The following HDAC4 variants were observed in gnomAD, a reference collection of about 807,000 sequenced individuals.
The protein encoded by HDAC4 is histone deacetylase A.
In HDAC4, 16 loss-of-function variants were observed where a neutral mutation model predicts 135.1. The observed-to-expected ratio is 0.12, with a 90% confidence interval of 0.08 to 0.18. The LOEUF (loss-of-function observed/expected upper bound fraction) is 0.18. Among genes scored for constraint, HDAC4 ranks in the 10% least tolerant of loss-of-function variants. HDAC4 has a pLI of 1.00. For synonymous variants in HDAC4, 685 were observed against 653.4 expected (o/e 1.05, Z -0.74); for missense variants, 1,143 against 1,511.8 (o/e 0.76, Z 4.05).
intron 12 of HDAC4, among the ~76,000 whole-genome samples, chr2:239,116,532 C>T (rs1400304140): frequency 6.6e-6 from 1 of 152,262 alleles, no homozygotes; most frequent in Non-Finnish European, 1.5e-5. Context: ...CCCACCTGGC[C>T]TCTCCTGCCT....
rs990634979 is a variant in HDAC4, at chr2:239,306,881, G to A, written c.22+45797C>T. Among the ~76,000 whole-genome samples, 5 of 151,960 alleles carry A rather than the reference G, an allele frequency of 3.3e-5. No individual in the cohort carries two copies. Among genetic ancestry groups the A allele is most frequent in the African/African-American group, 4.8e-5 (2 of 41,386 alleles). ...TCTGGAAGGAGCTGCAGGGATGCAT[G>A]GGGGCGTTCAGGAATGTCCAAGGAG... On this transcript the variant is annotated intron_variant, in intron 2 of 26. Coordinates refer to ENST00000543185, the MANE Select transcript of HDAC4 (RefSeq NM_001378414.1). The surrounding 1 kb of genome is among the most constrained non-coding windows in gnomAD (Gnocchi z 4.5).
intron 24 of HDAC4, among the ~76,000 whole-genome samples, chr2:239,057,003 C>T (rs543516878): frequency 2.6e-5 from 4 of 152,208 alleles, no homozygotes; most frequent in East Asian, 1.9e-4. Flanking sequence ...CTAAATGTGA[C>T]GTGTGATCCT....
intron 2 of HDAC4, among the ~76,000 whole-genome samples, chr2:239,259,839 A>G (rs544234823): frequency 5.3e-5 from 8 of 152,374 alleles, no homozygotes; most frequent in African/African-American, 1.9e-4. Flanking sequence ...CAGTCCCTAG[A>G]TCACAGCCTG....
At position 239,050,579 on chromosome 2, in the gene HDAC4, C is replaced by T. The variant is rs560021678; in HGVS notation, c.*2518G>A. Reference sequence around the variant, plus strand: ...TCTCAAACCACTGTCTCAGAGCTGACCATCAGCAGCCCAGTGACCAAGTGA... The same window carrying T: ...TCTCAAACCACTGTCTCAGAGCTGATCATCAGCAGCCCAGTGACCAAGTGA... On this transcript the variant is annotated 3_prime_UTR_variant, in exon 27 of 27. Transcript: ENST00000543185. 77 of 152,780 alleles carry T rather than the reference C, an allele frequency of 5.0e-4. No homozygotes were observed. Among genetic ancestry groups the T allele is most frequent in the Non-Finnish European group, 7.9e-4 (54 of 68,044 alleles). The allele number at this position is 152,780 out of a possible 1,614,324, so 9.5% of individuals were successfully genotyped here.
chr2:239,347,061 CCTGT>C (rs1317593063), intron 2 of HDAC4, among the ~76,000 whole-genome samples: 3 of 151,246 alleles, frequency 2.0e-5, no homozygotes, highest in Non-Finnish European at 4.4e-5. Flanking sequence ...ACACATACAA[CCTGT>C]CTAAAACACA....
intron 1 of HDAC4, among the ~76,000 whole-genome samples, chr2:239,363,892 G>C (rs924001182): frequency 1.3e-5 from 2 of 152,158 alleles, no homozygotes; most frequent in Admixed American, 1.3e-4. Context: ...CAGACAACCT[G>C]AATGAAAAAT....
At chr2:239,094,353 T>G in intron 17 of HDAC4, 1 of 985,472 alleles carries the variant, frequency 1.0e-6, no homozygotes, top group South Asian at 4.7e-5. Flanking sequence ...GATGGGCAGA[T>G]GCCCAGACTG....
chr2:239,233,655 G>A (rs750721034), intron 3 of HDAC4, among the ~76,000 whole-genome samples: 165 of 152,306 alleles, frequency 1.1e-3, no homozygotes, highest in Non-Finnish European at 7.9e-4. Context: ...AGGACTAAGT[G>A]TATTGAAAAA....
chr2:239,085,635 GA>G (rs1247740613), intron 19 of HDAC4, among the ~76,000 whole-genome samples: 4 of 152,370 alleles, frequency 2.6e-5, no homozygotes, highest in Non-Finnish European at 5.9e-5. Flanking sequence ...CTGGGATGTG[GA>G]GCAAACACGT....
chr2:239,246,236 C>A (rs1025732126), intron 2 of HDAC4, among the ~76,000 whole-genome samples: 1 of 152,018 alleles, frequency 6.6e-6, no homozygotes, highest in Non-Finnish European at 1.5e-5. Flanking sequence ...GAGTGAGCCA[C>A]GGGGGAAAGG....
chr2:239,212,379 A>C (rs1256397908), intron 3 of HDAC4, among the ~76,000 whole-genome samples: 1 of 152,070 alleles, frequency 6.6e-6, no homozygotes, highest in Non-Finnish European at 1.5e-5. Flanking sequence ...CCCATTCTAA[A>C]AGCAGTTTAA....
intron 3 of HDAC4, among the ~76,000 whole-genome samples, chr2:239,205,695 G>C (rs1257438004): frequency 6.6e-6 from 1 of 151,824 alleles, no homozygotes; most frequent in African/African-American, 2.4e-5. Flanking sequence ...AAGAGGAGGA[G>C]GAGGAGGAGG....
chr2:239,063,208 G>GC (rs1176226792), intron 24 of HDAC4, among the ~76,000 whole-genome samples: 2 of 140,228 alleles, frequency 1.4e-5, no homozygotes, highest in Non-Finnish European at 3.1e-5. Flanking sequence ...GTCTTTTTTT[G>GC]TTTTTTTTTT....
intron 2 of HDAC4, among the ~76,000 whole-genome samples, chr2:239,263,753 G>C (rs1415341928): frequency 6.6e-6 from 1 of 152,204 alleles, no homozygotes; most frequent in Non-Finnish European, 1.5e-5. Flanking sequence ...GGCACCGACG[G>C]GGGGACAGAG....
At chr2:239,270,206 T>C (rs1222086239) in intron 2 of HDAC4, among the ~76,000 whole-genome samples, 1 of 152,198 alleles carries the variant, frequency 6.6e-6, no homozygotes, top group African/African-American at 2.4e-5. Flanking sequence ...AGCAGCTGTG[T>C]GGACCCTGTG....
chr2:239,292,625 C>T (rs987705106), intron 2 of HDAC4, among the ~76,000 whole-genome samples: 8 of 152,188 alleles, frequency 5.3e-5, no homozygotes, highest in Non-Finnish European at 8.8e-5. Flanking sequence ...TCTGGGAACT[C>T]GAGCCAAGTA....
intron 14 of HDAC4, 75 bp from the exon 15 acceptor site, chr2:239,108,258 G>A (rs903524219): frequency 5.2e-6 from 8 of 1,527,506 alleles, no homozygotes; most frequent in South Asian, 3.6e-5. Context: ...GGCTGCCCCC[G>A]GGTGGTGGCG....
chr2:239,291,592 G>T (rs1041606306), intron 2 of HDAC4, among the ~76,000 whole-genome samples: 1 of 152,240 alleles, frequency 6.6e-6, no homozygotes, highest in East Asian at 1.9e-4. Context: ...AGGGCCCGAA[G>T]CCAGCCTGCT....
At chr2:239,132,185 A>T (rs1280535946) in intron 11 of HDAC4, among the ~76,000 whole-genome samples, 3 of 152,200 alleles carry the variant, frequency 2.0e-5, no homozygotes, top group Non-Finnish European at 4.4e-5. Flanking sequence ...TGCACAGCCC[A>T]CTTAACCCTC....
Sources: allele counts gnomAD v4.1 joint callset (sites outside exome capture counted in the v4.1 genomes callset), GRCh38; gene constraint gnomAD v4.1.1; non-coding constraint Gnocchi (gnomAD v3.1); transcripts MANE v1.5; gene names NCBI Gene and HGNC (gene_info 2026-07-23, HGNC 2026-07-21).